Variants in TFDP1 observed in about 807,000 individuals in gnomAD.
TFDP1 encodes DRTF1-polypeptide 1.
TFDP1 carries 6 observed loss-of-function variants against 48.0 expected under a neutral mutation model. That is an observed-to-expected ratio of 0.13 (90% confidence interval 0.07 to 0.25). TFDP1 has a LOEUF of 0.25. Among genes scored for constraint, TFDP1 ranks in the 10% least tolerant of loss-of-function variants. The probability of loss-of-function intolerance (pLI) is 1.00; values close to 1 mark genes in which losing one functional copy is unlikely to be tolerated. For missense variants in TFDP1, 335 were observed against 543.0 expected (o/e 0.62, Z 3.81); for synonymous variants, 201 against 211.6 (o/e 0.95, Z 0.44).
intron 3 of TFDP1, among the ~76,000 whole-genome samples, chr13:113,617,481 C>G (rs962524085): frequency 2.2e-5 from 3 of 137,304 alleles, no homozygotes; most frequent in Non-Finnish European, 4.5e-5. Flanking sequence ...CCTGCAGAGC[C>G]CTTCACCTGC....
chr13:113,629,230 G>A (rs539265527), intron 4 of TFDP1, among the ~76,000 whole-genome samples: 4 of 152,328 alleles, frequency 2.6e-5, no homozygotes, highest in South Asian at 2.1e-4. Flanking sequence ...GGGGCCTTCC[G>A]CAGGGAGCAG....
chr13:113,637,996 G>A, intron 11 of TFDP1, 100 bp downstream of exon 11: 1 of 1,484,562 alleles, frequency 6.7e-7, no homozygotes, highest in Non-Finnish European at 9.1e-7. Flanking sequence ...CATCAGGTCT[G>A]TGGCTGCTCT....
At chr13:113,620,877 A>G (rs111889727) in intron 3 of TFDP1, among the ~76,000 whole-genome samples, 11 of 152,376 alleles carry the variant, frequency 7.2e-5, no homozygotes, top group African/African-American at 2.6e-4. Context: ...TGGTAAAAAT[A>G]CTAATATTTA....
chr13:113,617,854 C>T (rs906360461), intron 3 of TFDP1, among the ~76,000 whole-genome samples: 9 of 152,100 alleles, frequency 5.9e-5, no homozygotes, highest in African/African-American at 2.2e-4. Context: ...TATCTTAAGC[C>T]CTATAGATAT....
intron 3 of TFDP1, among the ~76,000 whole-genome samples, chr13:113,616,435 T>A (rs1321164038): frequency 1.3e-5 from 2 of 152,172 alleles, no homozygotes; most frequent in African/African-American, 4.8e-5. Context: ...TGGAGAGCGC[T>A]CAGGTACAGA....
chr13:113,627,875 A>C lies in TFDP1; in HGVS notation c.187-3748A>C, dbSNP rs555982102. On this transcript the variant is annotated intron_variant, in intron 4 of 11. Coordinates refer to ENST00000375370, the MANE Select transcript of TFDP1 (RefSeq NM_007111.5). The surrounding 1 kb of genome is among the most constrained non-coding windows in gnomAD (Gnocchi z 4.1). ...GTCTTCCACAAAACTGGTCCCTGAT[A>C]CCAAAAAGGTGGGGGATCGCTGCTT... Among the ~76,000 whole-genome samples, 1 of 152,266 alleles carries C rather than the reference A, an allele frequency of 6.6e-6. No individual in the cohort carries two copies. The highest frequency in any genetic ancestry group is 6.5e-5 in the Admixed American group (1 of 15,294).
intron 2 of TFDP1, among the ~76,000 whole-genome samples, chr13:113,587,548 G>A (rs1334826219): frequency 6.8e-6 from 1 of 146,184 alleles, no homozygotes; most frequent in Non-Finnish European, 1.5e-5. Flanking sequence ...GCAGTGACGC[G>A]ATCTTGGCTC....
At chr13:113,635,711 G>A (rs146219084) in intron 8 of TFDP1, among the ~76,000 whole-genome samples, 9 of 152,262 alleles carry the variant, frequency 5.9e-5, no homozygotes, top group African/African-American at 2.2e-4. Context: ...TTTGTTGAGC[G>A]CCGTTGCCGT....
Position 113,613,295 on chromosome 13 carries a change from G to T in TFDP1, c.79+2233G>T, listed in dbSNP as rs914910230. On this transcript the variant is annotated intron_variant, in intron 3 of 11. Transcript: ENST00000375370. Reference sequence around the variant, plus strand: ...TCCCAAAGTGCTGGGATTACAGGCGGGAGCCACTGCACCCGGCCACACGTG... The same window carrying T: ...TCCCAAAGTGCTGGGATTACAGGCGTGAGCCACTGCACCCGGCCACACGTG... Among the ~76,000 whole-genome samples the T allele has an allele frequency of 9.2e-5, 14 of 152,140 alleles. No homozygotes were observed. The East Asian group carries it at 1.7e-3, about 19-fold the overall frequency.
chr13:113,626,090 GTGTTT>G (rs2049170250), intron 4 of TFDP1, among the ~76,000 whole-genome samples: 1 of 124,726 alleles, frequency 8.0e-6, no homozygotes, highest in African/African-American at 3.4e-5. Flanking sequence ...GTGTCCTCAG[GTGTTT>G]CTCAGGTGTC....
At chr13:113,614,722 C>T (rs1294464590) in intron 3 of TFDP1, among the ~76,000 whole-genome samples, 1 of 152,222 alleles carries the variant, frequency 6.6e-6, no homozygotes, top group Non-Finnish European at 1.5e-5. Flanking sequence ...CAGTTCCCCA[C>T]TGTGTCAGCG....
chr13:113,590,732 C>T lies in TFDP1; in HGVS notation c.12+4883C>T, dbSNP rs537205409. 1.4e-4 allele frequency among the ~76,000 whole-genome samples: 22 copies of T among 151,882 alleles called. No individual in the cohort carries two copies. In the East Asian group the frequency reaches 2.7e-3, roughly 19 times the overall value. On this transcript the variant is annotated intron_variant, in intron 2 of 11. Transcript: ENST00000375370. ...AAAATTAGAAAATTATAGGTTGGGC[C>T]GGGCGCAGTGGCTCACGCCTGTAAT...
chr13:113,596,446 C>T (rs918931121), intron 2 of TFDP1, among the ~76,000 whole-genome samples: 4 of 152,180 alleles, frequency 2.6e-5, no homozygotes, highest in East Asian at 1.9e-4. Flanking sequence ...GGTGTCATCC[C>T]GGTAGCCCGA....
rs746968332 is a variant in TFDP1, at chr13:113,627,570, G to A, written c.187-4053G>A. On this transcript the variant is annotated intron_variant, in intron 4 of 11. Transcript: ENST00000375370. This position sits in a 1 kb window ranked among gnomAD's most constrained non-coding sequence, Gnocchi z 4.1. Reference sequence around the variant, plus strand: ...AGACATCGTAATCTCAGTTTTTAGAGTGTGTGAAATTAAGGTGCAAAAAGT... The same window carrying A: ...AGACATCGTAATCTCAGTTTTTAGAATGTGTGAAATTAAGGTGCAAAAAGT... Among the ~76,000 whole-genome samples the A allele has an allele frequency of 5.9e-5, 9 of 152,186 alleles. No homozygotes were observed. The highest frequency in any genetic ancestry group is 8.8e-5 in the Non-Finnish European group (6 of 68,032).
intron 4 of TFDP1, among the ~76,000 whole-genome samples, chr13:113,628,645 C>A (rs1007577909): frequency 6.6e-6 from 1 of 152,246 alleles, no homozygotes; most frequent in African/African-American, 2.4e-5. Flanking sequence ...GCTGTGACCA[C>A]TTCTCCCTTC....
intron 2 of TFDP1, among the ~76,000 whole-genome samples, chr13:113,595,998 T>TCAAC (rs2048281065): frequency 1.3e-5 from 2 of 152,006 alleles, no homozygotes; most frequent in Non-Finnish European, 2.9e-5. Flanking sequence ...AGGAGAATGG[T>TCAAC]GTGAACCCAG....
intron 4 of TFDP1, among the ~76,000 whole-genome samples, chr13:113,630,787 C>T (rs1566672454): frequency 6.6e-6 from 1 of 151,610 alleles, no homozygotes; most frequent in Non-Finnish European, 1.5e-5. Context: ...AGTGGTAAGA[C>T]CTTGTCAAGA....
intron 4 of TFDP1, among the ~76,000 whole-genome samples, chr13:113,629,228 C>G (rs1205040162): frequency 6.6e-6 from 1 of 152,222 alleles, no homozygotes; most frequent in African/African-American, 2.4e-5. Flanking sequence ...GCGGGGCCTT[C>G]CGCAGGGAGC....
chr13:113,619,949 A>C (rs951160260), intron 3 of TFDP1, among the ~76,000 whole-genome samples: 7 of 152,092 alleles, frequency 4.6e-5, no homozygotes, highest in African/African-American at 1.4e-4. Flanking sequence ...TGAGTGGGGA[A>C]GCTCAGGGGC....
Sources: gnomAD v4.1 joint callset for allele counts (sites outside exome capture counted in the v4.1 genomes callset) on GRCh38, gnomAD v4.1.1 for gene constraint, Gnocchi (gnomAD v3.1) non-coding constraint, MANE v1.5 for transcripts, NCBI Gene and HGNC (gene_info 2026-07-23, HGNC 2026-07-21) for gene names.